Variants in OPCML observed in about 807,000 individuals in gnomAD.
The protein encoded by OPCML is opioid binding protein/cell adhesion molecule like.
In OPCML, 13 loss-of-function variants were observed where a neutral mutation model predicts 37.8. The observed-to-expected ratio is 0.34, with a 90% CI of 0.22 to 0.55. The LOEUF is 0.55. Among genes scored for constraint, OPCML ranks in the 20% least tolerant of loss-of-function variants. The probability of loss-of-function intolerance (pLI) is 0.91; values close to 1 mark genes in which losing one functional copy is unlikely to be tolerated. For missense variants in OPCML, 341 were observed against 435.6 expected (o/e 0.78, Z 1.93); for synonymous variants, 176 against 168.8 (o/e 1.04, Z -0.33).
chr11:133,422,779 AT>A (rs1481286279), intron 1 of OPCML: 1 of 901,984 alleles, frequency 1.1e-6, no homozygotes. Context: ...AGTATTTATG[AT>A]TTTTATATTA....
Position 133,225,421 on chromosome 11 carries a change from C to T in OPCML, c.62-282411G>A, listed in dbSNP as rs1008004141. ...AGCTGGGCAACCCTCGGCCCGTGAC[C>T]TGACTGACCTTCCAGCAGCTCGCTT... On this transcript the variant is annotated intron_variant, in intron 1 of 7. Transcript: ENST00000524381. Among the ~76,000 whole-genome samples the T allele has an allele frequency of 2.6e-5, 4 of 152,218 alleles. 2 individuals are homozygous for T. The South Asian group carries it at 8.3e-4, about 32-fold the overall frequency.
chr11:133,122,508 C>T (rs191425980), intron 1 of OPCML, among the ~76,000 whole-genome samples: 1 of 152,224 alleles, frequency 6.6e-6, no homozygotes, highest in South Asian at 2.1e-4. Context: ...TTCTGGTTGA[C>T]GGTTCTCACA....
At chr11:132,926,998 T>C (rs1316239373) in intron 2 of OPCML, among the ~76,000 whole-genome samples, 1 of 152,070 alleles carries the variant, frequency 6.6e-6, no homozygotes, top group Non-Finnish European at 1.5e-5. Flanking sequence ...CATTTGAAAT[T>C]ACTGAGTCTG....
chr11:133,059,789 G>A (rs776355125), intron 1 of OPCML, among the ~76,000 whole-genome samples: 14 of 152,162 alleles, frequency 9.2e-5, no homozygotes, highest in Non-Finnish European at 1.3e-4. Context: ...AAGGATGGAC[G>A]ATGTGTTATT....
At chr11:133,026,121 A>G (rs1332046021) in intron 1 of OPCML, 2 of 981,564 alleles carry the variant, frequency 2.0e-6, no homozygotes, top group South Asian at 4.7e-5. Context: ...TCTGTTGCAC[A>G]TAATAACTAT....
At chr11:132,969,342 T>G (rs1256831996) in intron 1 of OPCML, among the ~76,000 whole-genome samples, 1 of 152,250 alleles carries the variant, frequency 6.6e-6, no homozygotes, top group Non-Finnish European at 1.5e-5. Context: ...TTTCTCTTGC[T>G]GCTTCCAACA....
intron 2 of OPCML, among the ~76,000 whole-genome samples, chr11:132,742,571 T>C (rs1945466546): frequency 6.6e-6 from 1 of 152,050 alleles, no homozygotes; most frequent in Non-Finnish European, 1.5e-5. Flanking sequence ...CTAGGAGAAA[T>C]AAATGCCTGC....
intron 1 of OPCML, among the ~76,000 whole-genome samples, chr11:133,261,896 G>A (rs1167412753): frequency 6.6e-6 from 1 of 152,144 alleles, no homozygotes; most frequent in African/African-American, 2.4e-5. Flanking sequence ...CAGTCATTAG[G>A]TTAACTCACT....
intron 3 of OPCML, among the ~76,000 whole-genome samples, chr11:132,653,953 A>T (rs1941567088): frequency 6.6e-6 from 1 of 152,232 alleles, no homozygotes; most frequent in African/African-American, 2.4e-5. Context: ...TAAAGGCAAG[A>T]TTAGGCCTCA....
At chr11:133,434,896 A>G (rs1170744920) in intron 1 of OPCML, among the ~76,000 whole-genome samples, 2 of 149,326 alleles carry the variant, frequency 1.3e-5, no homozygotes, top group African/African-American at 4.9e-5. Flanking sequence ...ACTTTTTAAA[A>G]TAACATTTAA....
At chr11:132,866,888 C>T (rs1027912832) in intron 2 of OPCML, among the ~76,000 whole-genome samples, 1 of 152,164 alleles carries the variant, frequency 6.6e-6, no homozygotes, top group Admixed American at 6.5e-5. Context: ...CTTGATCTTC[C>T]TTCTGTATAA....
At chr11:133,433,992 T>C (rs954891678) in intron 1 of OPCML, among the ~76,000 whole-genome samples, 1 of 152,232 alleles carries the variant, frequency 6.6e-6, no homozygotes, top group Non-Finnish European at 1.5e-5. Flanking sequence ...GAACTTTCCC[T>C]TGCTTTCTTG....
chr11:133,423,194 A>C, intron 1 of OPCML: 11 of 985,400 alleles, frequency 1.1e-5, no homozygotes, highest in Non-Finnish European at 1.3e-5. Flanking sequence ...TTTATTCTTC[A>C]GTACTCAATC....
At chr11:133,259,366 G>T (rs905905847) in intron 1 of OPCML, among the ~76,000 whole-genome samples, 1 of 152,224 alleles carries the variant, frequency 6.6e-6, no homozygotes, top group Non-Finnish European at 1.5e-5. Context: ...AGCAAAGAAA[G>T]GTTTAGTATT....
At chr11:133,054,738 C>A (rs541785745) in intron 1 of OPCML, among the ~76,000 whole-genome samples, 16 of 152,344 alleles carry the variant, frequency 1.1e-4, no homozygotes, top group African/African-American at 3.8e-4. Flanking sequence ...AGTGTGGAGA[C>A]CTGAAGTTGA....
chr11:132,500,354 T>C (rs2508981), intron 4 of OPCML, among the ~76,000 whole-genome samples: 35,990 of 152,028 alleles, frequency 0.24, 5,072 homozygotes, highest in East Asian at 0.62. Context: ...CTGAAAAATT[T>C]CCATAATCAG....
intron 2 of OPCML, among the ~76,000 whole-genome samples, chr11:132,895,168 A>C (rs1170717168): frequency 6.6e-6 from 1 of 152,214 alleles, no homozygotes; most frequent in Non-Finnish European, 1.5e-5. Flanking sequence ...TCTCTAGTGC[A>C]AACTGCTCAT....
At chr11:133,365,988 C>T (rs1395513531) in intron 1 of OPCML, 1 of 152,318 alleles carries the variant, frequency 6.6e-6, no homozygotes, top group Non-Finnish European at 1.5e-5. Flanking sequence ...CTGCCCCAAA[C>T]AATGGCTCCT....
chr11:133,189,811 A>C (rs376964792), intron 1 of OPCML, among the ~76,000 whole-genome samples: 29 of 152,352 alleles, frequency 1.9e-4, no homozygotes, highest in African/African-American at 7.0e-4. Context: ...TGTCTGAGTA[A>C]TTGAAACAAA....
Sources: allele counts gnomAD v4.1 joint callset (sites outside exome capture counted in the v4.1 genomes callset), GRCh38; gene constraint gnomAD v4.1.1; transcripts MANE v1.5; gene names NCBI Gene and HGNC (gene_info 2026-07-23, HGNC 2026-07-21).